MCTP1: variants seen among roughly 807,000 people sequenced by gnomAD.
The protein encoded by MCTP1 is multiple C2 and transmembrane domain-containing protein 1.
A neutral mutation model predicts 120.6 loss-of-function variants in MCTP1; 69 were observed. The observed-to-expected ratio is 0.57, with a 90% confidence interval of 0.47 to 0.70. MCTP1 has a LOEUF of 0.70. MCTP1 is among the 30% of genes least tolerant of loss of function. The probability of loss-of-function intolerance (pLI) is 0.00; values close to 1 mark genes in which losing one functional copy is unlikely to be tolerated. For missense variants in MCTP1, 1,203 were observed against 1,248.8 expected (o/e 0.96, Z 0.55); for synonymous variants, 529 against 493.1 (o/e 1.07, Z -0.96).
chr5:94,982,487 A>T (rs144472618), intron 2 of MCTP1, among the ~76,000 whole-genome samples: 42 of 152,236 alleles, frequency 2.8e-4, no homozygotes, highest in Non-Finnish European at 4.1e-4. Context: ...TACCCCCAAG[A>T]TTTCTTATAC....
intron 1 of MCTP1, among the ~76,000 whole-genome samples, chr5:95,190,105 TG>T (rs1382988220): frequency 6.6e-6 from 1 of 152,110 alleles, no homozygotes; most frequent in African/African-American, 2.4e-5. Flanking sequence ...AAGCTTGCCG[TG>T]TTTTTAAAGC....
At chr5:95,161,776 C>T (rs1053908555) in intron 1 of MCTP1, among the ~76,000 whole-genome samples, 2 of 151,984 alleles carry the variant, frequency 1.3e-5, no homozygotes, top group Non-Finnish European at 2.9e-5. Flanking sequence ...AGTAACTTAT[C>T]AAAGTTCACC....
chr5:95,000,648 T>C (rs1436136075), intron 2 of MCTP1, among the ~76,000 whole-genome samples: 2 of 152,146 alleles, frequency 1.3e-5, no homozygotes, highest in Non-Finnish European at 2.9e-5. Flanking sequence ...TCTATAGCTG[T>C]ATAATATGTT....
chr5:95,195,849 G>C lies in MCTP1; in HGVS notation c.720+88007C>G, dbSNP rs373462309. 2.4e-4 allele frequency among the ~76,000 whole-genome samples: 37 copies of C among 152,204 alleles called. No individual in the cohort carries two copies. In the South Asian group the frequency reaches 7.3e-3, roughly 30 times the overall value. Reference sequence around the variant, plus strand: ...ATATGTGTGTTAATTCCCAAAGAGGGATTAAAGACCTTTCTCTAACATAGT... The same window carrying C: ...ATATGTGTGTTAATTCCCAAAGAGGCATTAAAGACCTTTCTCTAACATAGT... On this transcript the variant is annotated intron_variant, in intron 1 of 22. Coordinates refer to ENST00000515393, the MANE Select transcript of MCTP1 (RefSeq NM_024717.7).
chr5:95,152,647 C>CTTTCT (rs1254720847), intron 1 of MCTP1, among the ~76,000 whole-genome samples: 2 of 152,134 alleles, frequency 1.3e-5, no homozygotes, highest in African/African-American at 4.8e-5. Context: ...GCAAATATTC[C>CTTTCT]TTCAGGGCAG....
intron 19 of MCTP1, among the ~76,000 whole-genome samples, chr5:94,771,985 T>C (rs1774186015): frequency 6.6e-6 from 1 of 152,144 alleles, no homozygotes; most frequent in Non-Finnish European, 1.5e-5. Context: ...TTTCTTGGCT[T>C]GTGGCCCGCT....
intron 1 of MCTP1, among the ~76,000 whole-genome samples, chr5:95,022,594 C>T (rs1048201628): frequency 2.6e-5 from 4 of 152,112 alleles, no homozygotes; most frequent in East Asian, 1.9e-4. Context: ...GATATCTTTA[C>T]GAGCACCTGA....
At chr5:95,215,779 C>T (rs1005214217) in intron 1 of MCTP1, among the ~76,000 whole-genome samples, 2 of 152,008 alleles carry the variant, frequency 1.3e-5, no homozygotes, top group Non-Finnish European at 2.9e-5. Flanking sequence ...AATCTTTGAG[C>T]CAGCAACCAC....
intron 2 of MCTP1, among the ~76,000 whole-genome samples, chr5:94,972,753 A>C (rs545960437): frequency 2.2e-4 from 33 of 152,250 alleles, no homozygotes; most frequent in Admixed American, 3.9e-4. Context: ...CTTCTAGAAA[A>C]GCATGTTTCT....
intron 1 of MCTP1, among the ~76,000 whole-genome samples, chr5:95,177,024 C>A (rs537721009): frequency 6.6e-6 from 1 of 151,102 alleles, no homozygotes; most frequent in Non-Finnish European, 1.5e-5. Flanking sequence ...GCCACCATGC[C>A]CAGCTAATTT....
intron 10 of MCTP1, among the ~76,000 whole-genome samples, chr5:94,903,051 TGAG>T (rs1805926224): frequency 6.6e-6 from 1 of 152,208 alleles, no homozygotes; most frequent in East Asian, 1.9e-4. Context: ...TTGTTTAGGT[TGAG>T]TTTATGAAAA....
chr5:94,717,758 C>T (rs1759843567), intron 19 of MCTP1, among the ~76,000 whole-genome samples: 2 of 152,204 alleles, frequency 1.3e-5, no homozygotes, highest in East Asian at 1.9e-4. Flanking sequence ...CATGAATGAA[C>T]TCTCATTCAC....
intron 2 of MCTP1, among the ~76,000 whole-genome samples, chr5:94,989,330 C>T (rs529947978): frequency 2.0e-5 from 3 of 152,238 alleles, no homozygotes; most frequent in African/African-American, 7.2e-5. Context: ...ACATTAGTTG[C>T]TATTGTGATA....
intron 1 of MCTP1, among the ~76,000 whole-genome samples, chr5:95,043,225 A>T (rs879870620): frequency 6.6e-6 from 1 of 152,190 alleles, no homozygotes; most frequent in Admixed American, 6.6e-5. Flanking sequence ...CTAAACAAGA[A>T]ATTTTATTAT....
intron 1 of MCTP1, among the ~76,000 whole-genome samples, chr5:95,076,724 T>C (rs760850674): frequency 2.0e-5 from 3 of 152,188 alleles, no homozygotes; most frequent in Non-Finnish European, 4.4e-5. Context: ...CATAAAGGAA[T>C]AGAATGTCCT....
intron 19 of MCTP1, among the ~76,000 whole-genome samples, chr5:94,760,829 C>G (rs969794133): frequency 1.3e-5 from 2 of 151,966 alleles, no homozygotes; most frequent in African/African-American, 4.8e-5. Flanking sequence ...GGACGACAGG[C>G]ATGTGCCACC....
chr5:95,246,230 A>C (rs2152688978), intron 1 of MCTP1, among the ~76,000 whole-genome samples: 1 of 152,356 alleles, frequency 6.6e-6, no homozygotes, highest in East Asian at 1.9e-4. Flanking sequence ...AACATGCCAA[A>C]TTGTAAAGAC....
intron 19 of MCTP1, among the ~76,000 whole-genome samples, chr5:94,772,118 T>C (rs1353580384): frequency 2.6e-5 from 4 of 152,190 alleles, no homozygotes; most frequent in Non-Finnish European, 5.9e-5. Flanking sequence ...GGTTATTTCT[T>C]GGTCTTTAGG....
chr5:94,949,611 C>A (rs527526490), intron 3 of MCTP1, among the ~76,000 whole-genome samples: 2 of 152,130 alleles, frequency 1.3e-5, no homozygotes, highest in East Asian at 3.9e-4. Context: ...AACTTGAATG[C>A]ACTTTCATAA....
Sources: allele counts gnomAD v4.1 joint callset (sites outside exome capture counted in the v4.1 genomes callset), GRCh38; gene constraint gnomAD v4.1.1; transcripts MANE v1.5; gene names NCBI Gene and HGNC (gene_info 2026-07-23, HGNC 2026-07-21).